The following NINJ2 variants were observed in gnomAD, a reference collection of about 807,000 sequenced individuals.
NINJ2 encodes the protein ninjurin 2, also known as ninjurin-2.
In NINJ2, 12 loss-of-function variants were observed where a neutral mutation model predicts 11.7. The observed-to-expected ratio is 1.02, with a 90% CI of 0.66 to 1.66. The LOEUF is 1.66. Among genes scored for constraint, NINJ2 ranks in the 40% most tolerant of loss-of-function variants. The probability of loss-of-function intolerance (pLI) is 0.00; values close to 1 mark genes in which losing one functional copy is unlikely to be tolerated. For missense variants in NINJ2, 187 were observed against 181.8 expected, an observed-to-expected ratio of 1.03 and a Z score of -0.16; for synonymous variants, 93 against 76.8, an observed-to-expected ratio of 1.21 and a Z score of -1.10.
chr12:582,064 A>C (rs1326812104), intron 1 of NINJ2, among the ~76,000 whole-genome samples: 2 of 152,198 alleles, frequency 1.3e-5, no homozygotes, highest in African/African-American at 4.8e-5. Flanking sequence ...CAGGCTCCAG[A>C]GAGGACAGAA....
chr12:599,932 A>C (rs7299328), intron 1 of NINJ2, among the ~76,000 whole-genome samples: 56,384 of 152,052 alleles, frequency 0.37, 11,934 homozygotes, highest in Non-Finnish European at 0.5. Context: ...CCAAGGTTTG[A>C]GCAGCTCTGG....
intron 1 of NINJ2, among the ~76,000 whole-genome samples, chr12:601,947 ATCTG>A (rs1170392940): frequency 6.6e-6 from 1 of 152,254 alleles, no homozygotes; most frequent in African/African-American, 2.4e-5. Context: ...CCAGTTTATT[ATCTG>A]TCTGACTTGA....
At chr12:588,185 C>G (rs2446034) in intron 1 of NINJ2, among the ~76,000 whole-genome samples, 71,823 of 138,112 alleles carry the variant, frequency 0.52, 18,497 homozygotes, top group Middle Eastern at 0.63. Context: ...ACGGAAGGGA[C>G]GGAAGGGACG....
intron 1 of NINJ2, among the ~76,000 whole-genome samples, chr12:656,762 A>T (rs1005847161): frequency 9.9e-5 from 15 of 152,010 alleles, no homozygotes; most frequent in Non-Finnish European, 1.6e-4. Flanking sequence ...AAAAAAAAAA[A>T]ATTACTGTAA....
At position 581,019 on chromosome 12, in the gene NINJ2, C is replaced by G. The variant is rs1947543855; in HGVS notation, c.34-14841G>C. On this transcript the variant is annotated intron_variant, in intron 1 of 3. Transcript: ENST00000305108. The surrounding 1 kb of genome is among the most constrained non-coding windows in gnomAD (Gnocchi z 4.9). ...ATATGTCTGTGTGAATGTGTGTGTTCATGTCTTGTGTATGTGTCTGTGTGT... is the reference window on the plus strand; with the variant it reads ...ATATGTCTGTGTGAATGTGTGTGTTGATGTCTTGTGTATGTGTCTGTGTGT... Among the ~76,000 whole-genome samples, 1 of 148,498 alleles carries G rather than the reference C, an allele frequency of 6.7e-6. No homozygotes were observed. Among genetic ancestry groups the G allele is most frequent in the African/African-American group, 2.5e-5 (1 of 40,010 alleles).
chr12:609,944 TA>T (rs60084425), intron 1 of NINJ2, among the ~76,000 whole-genome samples: 58,981 of 126,532 alleles, frequency 0.47, 13,716 homozygotes, highest in Non-Finnish European at 0.49. Flanking sequence ...GACCCTGTCT[TA>T]AAAAAAAAAA....
At chr12:611,853 G>A (rs1367546789) in intron 1 of NINJ2, among the ~76,000 whole-genome samples, 1 of 152,218 alleles carries the variant, frequency 6.6e-6, no homozygotes, top group Admixed American at 6.5e-5. Context: ...CTTGTTGTAG[G>A]AGGTTGCCCC....
intron 1 of NINJ2, among the ~76,000 whole-genome samples, chr12:652,290 A>T (rs936333078): frequency 2.0e-5 from 3 of 152,222 alleles, no homozygotes; most frequent in Non-Finnish European, 4.4e-5. Context: ...GAAGGAAAAA[A>T]ATCCACCAAC....
At chr12:603,581 G>A (rs962651658) in intron 1 of NINJ2, among the ~76,000 whole-genome samples, 1 of 152,118 alleles carries the variant, frequency 6.6e-6, no homozygotes, top group Non-Finnish European at 1.5e-5. Flanking sequence ...TTTTGCACAT[G>A]GTATGAGGTA....
intron 1 of NINJ2, among the ~76,000 whole-genome samples, chr12:578,609 C>T (rs1947504259): frequency 6.6e-6 from 1 of 152,146 alleles, no homozygotes; most frequent in African/African-American, 2.4e-5. Context: ...TGAACCACTA[C>T]ACCCGGCCGA....
intron 1 of NINJ2, among the ~76,000 whole-genome samples, chr12:594,917 C>T (rs144108779): frequency 1.3e-5 from 2 of 152,210 alleles, no homozygotes; most frequent in African/African-American, 2.4e-5. Context: ...TGACACCACC[C>T]GACTTCAAGA....
rs1283953712 is a variant in NINJ2 at position 594,803 on chromosome 12, T to C, written c.34-28625A>G. On this transcript the variant is annotated intron_variant, in intron 1 of 3. Transcript: ENST00000305108. ...CAATCCCAATCAAAATCCCAGCAAG[T>C]TATTTTGTAGATATCAACAAACCGA... Among the ~76,000 whole-genome samples, 2 of 152,222 alleles carry C rather than the reference T, an allele frequency of 1.3e-5. 1 individual carries two copies. The highest frequency in any genetic ancestry group is 2.9e-5 in the Non-Finnish European group (2 of 68,038).
intron 1 of NINJ2, among the ~76,000 whole-genome samples, chr12:642,159 A>G (rs1036830767): frequency 5.3e-5 from 8 of 152,222 alleles, no homozygotes; most frequent in Admixed American, 3.3e-4. Context: ...GTCGCGGTTA[A>G]TAATACTTAC....
Position 565,962 on chromosome 12 carries a change from G to C in NINJ2, c.250C>G (p.Leu84Val). ...LLLQVVIGVLLVVIARLNLNE... is the reference protein window; with the variant it reads ...LLLQVVIGVLVVVIARLNLNE... ...CTGGGCTCCTCACCAATGACCACGA[G>C]CAGGACACCGATGACCACCTGCAGG... The change falls in exon 2 of 4, where the codon CTC becomes GTC. Residue 84 changes from leucine (L) to valine (V), a missense_variant. Physicochemically the swap from Leu to Val is conservative, Grantham distance 32. Transcript: ENST00000305108. 1 of 1,614,178 alleles carries C rather than the reference G, an allele frequency of 6.2e-7. No homozygotes were observed. Among genetic ancestry groups the C allele is most frequent in the Non-Finnish European group, 8.5e-7 (1 of 1,179,974 alleles).
chr12:567,253 ATGC>A (rs1947313415), intron 1 of NINJ2, among the ~76,000 whole-genome samples: 1 of 151,952 alleles, frequency 6.6e-6, no homozygotes, highest in Non-Finnish European at 1.5e-5. Flanking sequence ...GGATTGAAGG[ATGC>A]TATGGCCTGG....
chr12:625,973 T>C (rs1419357650), intron 1 of NINJ2, among the ~76,000 whole-genome samples: 2 of 152,226 alleles, frequency 1.3e-5, no homozygotes, highest in African/African-American at 4.8e-5. Flanking sequence ...TAAACAGATA[T>C]CATGATCGGT....
At chr12:646,949 C>G (rs1937694370) in intron 1 of NINJ2, among the ~76,000 whole-genome samples, 1 of 152,186 alleles carries the variant, frequency 6.6e-6, no homozygotes, top group Non-Finnish European at 1.5e-5. Flanking sequence ...ACTTCTAGCT[C>G]AGAGACTCGC....
intron 1 of NINJ2, among the ~76,000 whole-genome samples, chr12:661,641 A>G (rs934501469): frequency 2.0e-5 from 3 of 152,176 alleles, no homozygotes; most frequent in Admixed American, 6.5e-5. Flanking sequence ...GGATCGTTCA[A>G]CCCATCAGCA....
At position 585,098 on chromosome 12, in the gene NINJ2, G is replaced by C. The variant is rs1381072126; in HGVS notation, c.34-18920C>G. Among the ~76,000 whole-genome samples, 1 of 152,248 alleles carries C rather than the reference G, an allele frequency of 6.6e-6. No homozygotes were observed. The highest frequency in any genetic ancestry group is 1.5e-5 in the Non-Finnish European group (1 of 68,042). ...CGCGCCACTGCGCTCCAGCCTGGGA[G>C]ACAGAGCGAGACTCCGTCTCAATAA... On this transcript the variant is annotated intron_variant, in intron 1 of 3. Coordinates refer to ENST00000305108, the MANE Select transcript of NINJ2 (RefSeq NM_016533.6). This position sits in a 1 kb window ranked among gnomAD's most constrained non-coding sequence, Gnocchi z 4.1.
Sources: allele counts gnomAD v4.1 joint callset (sites outside exome capture counted in the v4.1 genomes callset), GRCh38; gene constraint gnomAD v4.1.1; non-coding constraint Gnocchi (gnomAD v3.1); transcripts MANE v1.5; gene names NCBI Gene and HGNC (gene_info 2026-07-23, HGNC 2026-07-21).